ERICH3: variants seen among roughly 807,000 people sequenced by gnomAD.
ERICH3 encodes glutamate rich 3.
A neutral mutation model predicts 131.1 loss-of-function variants in ERICH3; 126 were observed. The ratio of observed to expected loss-of-function variants is 0.96; its 90% CI spans 0.83 to 1.11. The LOEUF (loss-of-function observed/expected upper bound fraction) is 1.11. ERICH3 is among the 50% of genes most tolerant of loss of function. The pLI, the probability that ERICH3 is intolerant of heterozygous loss-of-function variation, is 0.00. For synonymous variants in ERICH3, 695 were observed against 644.6 expected (o/e 1.08, Z -1.18); for missense variants, 2,050 against 1,810.7 (o/e 1.13, Z -2.40).
At chr1:74,595,059 C>G (rs1391352940) in intron 11 of ERICH3, among the ~76,000 whole-genome samples, 1 of 152,078 alleles carries the variant, frequency 6.6e-6, no homozygotes, top group Non-Finnish European at 1.5e-5. Context: ...CCTTCCTATT[C>G]CTTAGTCCAA....
rs952811377 is a variant in ERICH3, at chr1:74,596,124, T to A, written c.1726+3571A>T. On this transcript the variant is annotated intron_variant, in intron 11 of 14. Transcript: ENST00000326665. ...GAATATTACTGTGATTCTGGGACTT[T>A]AAAAGTTTATAAGATTTACTTCTTC... Among the ~76,000 whole-genome samples the A allele has an allele frequency of 2.6e-5, 4 of 152,252 alleles. No individual in the cohort carries two copies. The South Asian group carries it at 8.3e-4, about 32-fold the overall frequency.
intron 8 of ERICH3, among the ~76,000 whole-genome samples, chr1:74,615,842 G>C (rs923264744): frequency 6.6e-6 from 1 of 152,198 alleles, no homozygotes; most frequent in Non-Finnish European, 1.5e-5. Flanking sequence ...CCGCTTTGCT[G>C]TCTGTGGGGG....
At chr1:74,638,014 T>A (rs1243773037) in intron 5 of ERICH3, among the ~76,000 whole-genome samples, 2 of 152,166 alleles carry the variant, frequency 1.3e-5, no homozygotes, top group African/African-American at 4.8e-5. Flanking sequence ...TCAAGAATTG[T>A]ACATATATAT....
intron 3 of ERICH3, among the ~76,000 whole-genome samples, chr1:74,646,083 C>A (rs1646479996): frequency 6.8e-6 from 1 of 147,462 alleles, no homozygotes; most frequent in African/African-American, 2.5e-5. Context: ...GATACCCTGT[C>A]AGATTAAAAA....
chr1:74,583,460 G>C (rs1003617011), intron 12 of ERICH3, among the ~76,000 whole-genome samples: 1 of 151,770 alleles, frequency 6.6e-6, no homozygotes, highest in African/African-American at 2.4e-5. Context: ...ACAATAAAAG[G>C]TATGTTGATG....
At chr1:74,590,906 TTA>T (rs2100563334) in intron 11 of ERICH3, among the ~76,000 whole-genome samples, 1 of 152,336 alleles carries the variant, frequency 6.6e-6, no homozygotes, top group South Asian at 2.1e-4. Flanking sequence ...TGAAAACGCT[TTA>T]TAAATATTCA....
At chr1:74,614,038 A>G (rs12097806) in intron 8 of ERICH3, among the ~76,000 whole-genome samples, 3,799 of 152,218 alleles carry the variant, frequency 0.025, 178 homozygotes, top group African/African-American at 0.087. Context: ...TATCAGCATC[A>G]CCTAGAGGGC....
At chr1:74,628,141 G>A (rs1649477407) in intron 7 of ERICH3, among the ~76,000 whole-genome samples, 1 of 152,166 alleles carries the variant, frequency 6.6e-6, no homozygotes, top group African/African-American at 2.4e-5. Flanking sequence ...TGTGACACTA[G>A]TCATGTCCAC....
At chr1:74,615,752 G>A (rs958520337) in intron 8 of ERICH3, among the ~76,000 whole-genome samples, 1 of 152,028 alleles carries the variant, frequency 6.6e-6, no homozygotes, top group Admixed American at 6.6e-5. Context: ...CATTTTTTCC[G>A]GGGCTACTCT....
Position 74,620,766 on chromosome 1 carries a change from A to C in ERICH3, c.968T>G (p.Leu323Arg). The C allele has an allele frequency of 6.2e-7, 1 of 1,609,544 alleles. No homozygotes were observed. The highest frequency in any genetic ancestry group is 1.1e-5 in the South Asian group (1 of 89,794). Reference sequence around the variant, plus strand: ...AAGTAGTTTGCCTTTGTAGACACAAAGGTTTTCCCCACCACAGTGCTGCTG... The same window carrying C: ...AAGTAGTTTGCCTTTGTAGACACAACGGTTTTCCCCACCACAGTGCTGCTG... ...VYQQHCGGEN[L>R]CVYKGKLLEK... Residue 323 changes from leucine (L) to arginine (R), a missense_variant, in exon 8 of 15, where the codon CTT becomes CGT. Leu to Arg is a moderately radical substitution (Grantham distance 102, BLOSUM62 -2). Transcript: ENST00000326665.
chr1:74,633,233 A>G (rs1439343764), intron 6 of ERICH3, among the ~76,000 whole-genome samples: 1 of 151,940 alleles, frequency 6.6e-6, no homozygotes, highest in Non-Finnish European at 1.5e-5. Context: ...GATAGCCCAT[A>G]TTTTGATTTA....
intron 7 of ERICH3, among the ~76,000 whole-genome samples, chr1:74,628,090 G>T (rs1649476383): frequency 6.6e-6 from 1 of 152,166 alleles, no homozygotes; most frequent in Non-Finnish European, 1.5e-5. Context: ...TGTTGCTATT[G>T]TAGTGAGCTC....
At chr1:74,576,833 G>T in intron 13 of ERICH3, 62 bp downstream of exon 13, 1 of 1,443,862 alleles carries the variant, frequency 6.9e-7, no homozygotes, top group Non-Finnish European at 9.5e-7. Context: ...AGTTTGACCA[G>T]ATTTATGAGT....
intron 1 of ERICH3, among the ~76,000 whole-genome samples, chr1:74,655,604 T>C (rs144743911): frequency 1.7e-3 from 258 of 152,292 alleles, no homozygotes; most frequent in Middle Eastern, 0.01. Context: ...TCCAGAATAA[T>C]TTCCTTATTT....
intron 7 of ERICH3, chr1:74,624,280 G>C (rs1185360649): frequency 6.6e-6 from 1 of 152,148 alleles, no homozygotes. Flanking sequence ...CCTTGATAAA[G>C]ATTGATACAA....
At chr1:74,577,245 G>GAAA (rs142907816) in intron 12 of ERICH3, 1,015 of 180,424 alleles carry the variant, frequency 5.6e-3, no homozygotes, top group Middle Eastern at 0.015. Flanking sequence ...TTAGTTGAAA[G>GAAA]AAAAAAAAAA....
chr1:74,615,756 C>T (rs1570873606), intron 8 of ERICH3, among the ~76,000 whole-genome samples: 3 of 152,282 alleles, frequency 2.0e-5, no homozygotes, highest in Admixed American at 2.0e-4. Context: ...TTTTCCGGGG[C>T]TACTCTTATC....
intron 11 of ERICH3, 130 bp downstream of exon 11, chr1:74,599,565 T>C: frequency 2.5e-6 from 2 of 815,742 alleles, no homozygotes; most frequent in Non-Finnish European, 3.8e-6. Flanking sequence ...CATGTACCCC[T>C]TATTTAAAAG....
chr1:74,589,835 G>T lies in ERICH3; in HGVS notation c.1972C>A (p.Pro658Thr). The T allele has an allele frequency of 6.2e-7, 1 of 1,614,028 alleles. No homozygotes were observed. Among genetic ancestry groups the T allele is most frequent in the South Asian group, 1.1e-5 (1 of 91,072 alleles). Residue 658 changes from proline (P) to threonine (T), a missense_variant, in exon 12 of 15, where the codon CCG becomes ACG. By Grantham distance (38) the Pro-to-Thr change is conservative. Transcript: ENST00000326665. ...EITKADVETK[P>T]MPIDESFENV... ...TCAAAGCTTTCGTCTATTGGCATCG[G>T]CTTGGTCTCCACATCTGCTTTTGTT... is the stretch of plus-strand genomic sequence containing the variant.
Sources: gnomAD v4.1 joint callset for allele counts (sites outside exome capture counted in the v4.1 genomes callset) on GRCh38, gnomAD v4.1.1 for gene constraint, MANE v1.5 for transcripts, NCBI Gene and HGNC (gene_info 2026-07-23, HGNC 2026-07-21) for gene names.